Variants in NCK2 observed in about 807,000 individuals in gnomAD.
NCK2 encodes the protein cytoplasmic protein NCK2.
Under a neutral mutation model 33.9 loss-of-function variants are expected in NCK2, and 16 were observed. That is an observed-to-expected ratio of 0.47 (90% CI 0.32 to 0.72). The LOEUF is 0.72. NCK2 is among the 30% of genes least tolerant of loss of function. The pLI, the probability that NCK2 is intolerant of heterozygous loss-of-function variation, is 0.03. For missense variants in NCK2, 418 were observed against 537.3 expected (o/e 0.78, Z 2.19); for synonymous variants, 273 against 239.9 (o/e 1.14, Z -1.27).
intron 1 of NCK2, among the ~76,000 whole-genome samples, chr2:105,783,927 A>C (rs530147479): frequency 1.3e-5 from 2 of 152,334 alleles, no homozygotes; most frequent in South Asian, 4.1e-4. Context: ...TTGCACGAGA[A>C]AATGAAACAC....
chr2:105,790,012 G>C (rs143332121), intron 1 of NCK2, among the ~76,000 whole-genome samples: 1 of 152,330 alleles, frequency 6.6e-6, no homozygotes, highest in Non-Finnish European at 1.5e-5. Flanking sequence ...TTCATGTATT[G>C]AGTGCAAGGG....
chr2:105,862,849 A>G (rs774928332), intron 3 of NCK2, among the ~76,000 whole-genome samples: 1 of 152,186 alleles, frequency 6.6e-6, no homozygotes, highest in Non-Finnish European at 1.5e-5. Flanking sequence ...ACATATCAGC[A>G]GTGGTTTAGA....
intron 1 of NCK2, among the ~76,000 whole-genome samples, chr2:105,770,040 C>T (rs182362323): frequency 6.7e-6 from 1 of 149,666 alleles, no homozygotes; most frequent in East Asian, 2.0e-4. Flanking sequence ...TACAGTGAGT[C>T]AAACCATTGA....
At chr2:105,878,919 A>G (rs1282993370) in intron 3 of NCK2, among the ~76,000 whole-genome samples, 1 of 152,196 alleles carries the variant, frequency 6.6e-6, no homozygotes, top group Non-Finnish European at 1.5e-5. Flanking sequence ...ACCCCTCACC[A>G]AAGTCTAGTT....
chr2:105,838,174 T>G (rs544590586), intron 2 of NCK2, among the ~76,000 whole-genome samples: 9 of 152,304 alleles, frequency 5.9e-5, no homozygotes, highest in African/African-American at 2.2e-4. Context: ...CAAGAAAATC[T>G]TGTGTTCTCA....
intron 2 of NCK2, among the ~76,000 whole-genome samples, chr2:105,818,630 T>C (rs1215644841): frequency 6.6e-6 from 1 of 152,182 alleles, no homozygotes; most frequent in African/African-American, 2.4e-5. Flanking sequence ...GTCCAACTTT[T>C]AGGTGATATG....
At chr2:105,796,948 T>C (rs145332932) in intron 1 of NCK2, among the ~76,000 whole-genome samples, 222 of 152,346 alleles carry the variant, frequency 1.5e-3, no homozygotes, top group African/African-American at 4.9e-3. Flanking sequence ...TCAGCACTTA[T>C]CTGTGGTTGG....
chr2:105,766,358 C>G (rs991999593), intron 1 of NCK2, among the ~76,000 whole-genome samples: 6 of 152,166 alleles, frequency 3.9e-5, no homozygotes, highest in African/African-American at 1.4e-4. Flanking sequence ...GGGCCTTGCT[C>G]TGTTGCCCAG....
At chr2:105,875,010 GACAAATGTTATTACCTGCAGT>G (rs779608119) in intron 3 of NCK2, among the ~76,000 whole-genome samples, 14 of 152,206 alleles carry the variant, frequency 9.2e-5, no homozygotes, top group Non-Finnish European at 1.8e-4. Flanking sequence ...CTCACTGAGT[GACAAATGTTATTACCTGCAGT>G]ACACATGTTA....
chr2:105,830,534 A>G (rs963305271), intron 2 of NCK2, among the ~76,000 whole-genome samples: 2 of 152,126 alleles, frequency 1.3e-5, no homozygotes, highest in Non-Finnish European at 2.9e-5. Context: ...TGCTGCAGTT[A>G]ACATGGGAGT....
At chr2:105,795,579 C>T (rs1438504045) in intron 1 of NCK2, among the ~76,000 whole-genome samples, 3 of 152,128 alleles carry the variant, frequency 2.0e-5, no homozygotes, top group Admixed American at 6.5e-5. Context: ...ATGTATGCTC[C>T]GTCAGTGGTT....
At chr2:105,816,331 C>A (rs761073622) in intron 1 of NCK2, 99 bp from the exon 2 acceptor site, 11 of 152,044 alleles carry the variant, frequency 7.2e-5, no homozygotes, top group Non-Finnish European at 1.6e-4. Flanking sequence ...AACAAAAAAA[C>A]CCATTAGTTT....
At chr2:105,832,594 C>T (rs1398392831) in intron 2 of NCK2, among the ~76,000 whole-genome samples, 1 of 152,014 alleles carries the variant, frequency 6.6e-6, no homozygotes, top group Non-Finnish European at 1.5e-5. Flanking sequence ...TGTGATGTAT[C>T]ACATTTATTG....
chr2:105,809,437 G>A (rs371297586), intron 1 of NCK2, among the ~76,000 whole-genome samples: 5 of 152,156 alleles, frequency 3.3e-5, no homozygotes, highest in Admixed American at 6.5e-5. Flanking sequence ...TTTCTCCAGC[G>A]CTTGCAGACA....
chr2:105,807,279 T>C (rs1386830162), intron 1 of NCK2, among the ~76,000 whole-genome samples: 2 of 152,324 alleles, frequency 1.3e-5, no homozygotes, highest in East Asian at 1.9e-4. Context: ...CTAAGATTCA[T>C]AGGTGGTTCT....
intron 2 of NCK2, among the ~76,000 whole-genome samples, chr2:105,836,676 GGTT>G (rs1407822305): frequency 6.6e-6 from 1 of 152,142 alleles, no homozygotes; most frequent in Non-Finnish European, 1.5e-5. Flanking sequence ...ATGCTGCTTG[GGTT>G]CAGGTGTTGG....
At chr2:105,779,054 C>T (rs1690400854) in intron 1 of NCK2, among the ~76,000 whole-genome samples, 1 of 152,140 alleles carries the variant, frequency 6.6e-6, no homozygotes, top group Admixed American at 6.5e-5. Flanking sequence ...CACCTGTAGT[C>T]CCAGCACTTT....
intron 2 of NCK2, among the ~76,000 whole-genome samples, chr2:105,839,145 G>T (rs1476582539): frequency 6.6e-6 from 1 of 152,176 alleles, no homozygotes; most frequent in Non-Finnish European, 1.5e-5. Flanking sequence ...AGCTGGGGAA[G>T]AGCATTCCAA....
intron 1 of NCK2, among the ~76,000 whole-genome samples, chr2:105,773,597 A>G (rs1690206190): frequency 6.6e-6 from 1 of 152,092 alleles, no homozygotes; most frequent in Non-Finnish European, 1.5e-5. Flanking sequence ...CCAATACCAT[A>G]GTATCCCTTT....
Sources: allele counts gnomAD v4.1 joint callset (sites outside exome capture counted in the v4.1 genomes callset), GRCh38; gene constraint gnomAD v4.1.1; transcripts MANE v1.5; gene names NCBI Gene and HGNC (gene_info 2026-07-23, HGNC 2026-07-21).